Variants in DENND1A observed in about 807,000 individuals in gnomAD.
DENND1A encodes DENN domain-containing protein 1A.
In DENND1A, 51 loss-of-function variants were observed where a neutral mutation model predicts 113.7. The ratio of observed to expected loss-of-function variants is 0.45; its 90% CI spans 0.36 to 0.57. The LOEUF (loss-of-function observed/expected upper bound fraction) is 0.57. Ranked by LOEUF, DENND1A falls within the 20% of genes least tolerant of loss-of-function variation. The probability of loss-of-function intolerance (pLI) is 0.00; values close to 1 mark genes in which losing one functional copy is unlikely to be tolerated. For missense variants in DENND1A, 1,258 were observed against 1,395.9 expected (o/e 0.90, Z 1.57); for synonymous variants, 565 against 570.8 (o/e 0.99, Z 0.14).
At chr9:123,384,206 C>T (rs1588252699) in intron 22 of DENND1A, among the ~76,000 whole-genome samples, 1 of 152,254 alleles carries the variant, frequency 6.6e-6, no homozygotes. Context: ...AAACTGGCTA[C>T]TGGGCTTGTG....
At position 123,422,522 on chromosome 9, in the gene DENND1A, T is replaced by C. The variant is rs2045387244; in HGVS notation, c.1489-10693A>G. 1.3e-5 allele frequency among the ~76,000 whole-genome samples: 2 copies of C among 149,610 alleles called. No individual in the cohort carries two copies. Among genetic ancestry groups the C allele is most frequent in the Admixed American group, 1.3e-4 (2 of 15,040 alleles). ...CCAGACAGAAGGTTTTTTTTTTTTT[T>C]CCTTCCCTCAGAACAAATGGACGGA... is the stretch of plus-strand genomic sequence containing the variant. On this transcript the variant is annotated intron_variant, in intron 19 of 23. Coordinates refer to ENST00000394215, the MANE Select transcript of DENND1A (RefSeq NM_001352964.2). The surrounding 1 kb of genome is among the most constrained non-coding windows in gnomAD (Gnocchi z 4.8).
chr9:123,818,517 T>TAC (rs1469959491), intron 2 of DENND1A, among the ~76,000 whole-genome samples: 79 of 123,140 alleles, frequency 6.4e-4, no homozygotes, highest in South Asian at 1.3e-3. Context: ...TATACATACA[T>TAC]ATACACACAC....
At chr9:123,618,872 C>A (rs1303210888) in intron 10 of DENND1A, among the ~76,000 whole-genome samples, 3 of 152,248 alleles carry the variant, frequency 2.0e-5, no homozygotes, top group African/African-American at 7.2e-5. Flanking sequence ...CAACCATCTA[C>A]ACAGACTAAC....
At chr9:123,750,887 A>G (rs1243560302) in intron 5 of DENND1A, among the ~76,000 whole-genome samples, 1 of 152,172 alleles carries the variant, frequency 6.6e-6, no homozygotes, top group Non-Finnish European at 1.5e-5. Context: ...ACAGCTTAAA[A>G]CAAGAATAGG....
At chr9:123,885,033 ACTCT>A (rs990792530) in intron 1 of DENND1A, among the ~76,000 whole-genome samples, 43 of 128,460 alleles carry the variant, frequency 3.3e-4, no homozygotes, top group African/African-American at 1.1e-3. Context: ...ACACACACTC[ACTCT>A]CTCTCTCACA....
intron 5 of DENND1A, among the ~76,000 whole-genome samples, chr9:123,692,070 G>A (rs1259677874): frequency 6.6e-6 from 1 of 152,162 alleles, no homozygotes; most frequent in African/African-American, 2.4e-5. Context: ...TTGACAAGCA[G>A]GCTCCCCCAA....
chr9:123,801,445 G>A (rs545041265), intron 2 of DENND1A, among the ~76,000 whole-genome samples: 12 of 152,276 alleles, frequency 7.9e-5, no homozygotes, highest in South Asian at 6.2e-4. Context: ...TCATGATGTC[G>A]CATGTGTCAC....
chr9:123,446,040 T>C (rs1265707344), intron 18 of DENND1A, among the ~76,000 whole-genome samples: 1 of 152,214 alleles, frequency 6.6e-6, no homozygotes, highest in Non-Finnish European at 1.5e-5. Flanking sequence ...TCTTGTAACT[T>C]ATCCAAGGTC....
intron 2 of DENND1A, among the ~76,000 whole-genome samples, chr9:123,803,187 G>T (rs920472398): frequency 3.9e-5 from 6 of 152,106 alleles, no homozygotes; most frequent in African/African-American, 1.2e-4. Context: ...CTAACAGGGG[G>T]TCCATTTTCA....
intron 5 of DENND1A, among the ~76,000 whole-genome samples, chr9:123,689,131 C>T (rs1327349248): frequency 6.6e-6 from 1 of 152,108 alleles, no homozygotes; most frequent in Non-Finnish European, 1.5e-5. Flanking sequence ...TTCAAGCGAT[C>T]CTCCCACCTC....
chr9:123,415,410 G>A (rs563647438), intron 19 of DENND1A, among the ~76,000 whole-genome samples: 3 of 152,284 alleles, frequency 2.0e-5, no homozygotes, highest in South Asian at 4.2e-4. Context: ...CAGGGGGTGC[G>A]CATTGAAGAC....
At chr9:123,432,705 G>A (rs2046226762) in intron 19 of DENND1A, among the ~76,000 whole-genome samples, 1 of 152,268 alleles carries the variant, frequency 6.6e-6, no homozygotes, top group Non-Finnish European at 1.5e-5. Context: ...GCGCGTGACT[G>A]GGATGGGCAG....
chr9:123,459,561 G>T, intron 13 of DENND1A, among the ~76,000 whole-genome samples: 1 of 151,738 alleles, frequency 6.6e-6, no homozygotes, highest in Middle Eastern at 3.4e-3. Flanking sequence ...AATCCTATCC[G>T]TATAGAGCTA....
chr9:123,773,170 AC>A (rs1265918749), intron 3 of DENND1A, among the ~76,000 whole-genome samples: 2 of 152,226 alleles, frequency 1.3e-5, no homozygotes, highest in Non-Finnish European at 2.9e-5. Flanking sequence ...AGGCAGTTGC[AC>A]AAATCTTTCA....
chr9:123,736,735 A>G (rs1282054944), intron 5 of DENND1A, among the ~76,000 whole-genome samples: 1 of 152,244 alleles, frequency 6.6e-6, no homozygotes, highest in Non-Finnish European at 1.5e-5. Context: ...TTGGAATTTA[A>G]TAACATTATT....
intron 21 of DENND1A, among the ~76,000 whole-genome samples, chr9:123,398,863 C>T (rs535799858): frequency 3.4e-5 from 5 of 148,930 alleles, no homozygotes; most frequent in East Asian, 4.0e-4. Context: ...GGTGTGATCT[C>T]GGCTCACTGC....
intron 5 of DENND1A, among the ~76,000 whole-genome samples, chr9:123,732,951 T>C (rs2068283242): frequency 6.6e-6 from 1 of 152,244 alleles, no homozygotes; most frequent in South Asian, 2.1e-4. Context: ...AAGCAAATAG[T>C]AAGCATTCAA....
intron 13 of DENND1A, among the ~76,000 whole-genome samples, chr9:123,505,105 C>T (rs2134343058): frequency 6.6e-6 from 1 of 152,316 alleles, no homozygotes; most frequent in Middle Eastern, 3.4e-3. Flanking sequence ...GATAATTTGG[C>T]ATCAATACCC....
intron 12 of DENND1A, among the ~76,000 whole-genome samples, chr9:123,581,684 C>T (rs1373343887): frequency 6.6e-6 from 1 of 152,088 alleles, no homozygotes; most frequent in African/African-American, 2.4e-5. Context: ...GCAATCCTTT[C>T]AGAACAGCTA....
Sources: allele counts gnomAD v4.1 joint callset (sites outside exome capture counted in the v4.1 genomes callset), GRCh38; gene constraint gnomAD v4.1.1; non-coding constraint Gnocchi (gnomAD v3.1); transcripts MANE v1.5; gene names NCBI Gene and HGNC (gene_info 2026-07-23, HGNC 2026-07-21).